The following USP6NL variants were observed in gnomAD, a reference collection of about 807,000 sequenced individuals.
USP6NL encodes USP6 N-terminal-like protein.
In USP6NL, 26 loss-of-function variants were observed where a neutral mutation model predicts 61.9. That is an observed-to-expected ratio of 0.42 (90% CI 0.31 to 0.58). The LOEUF (loss-of-function observed/expected upper bound fraction) is 0.58. Ranked by LOEUF, USP6NL falls within the 20% of genes least tolerant of loss-of-function variation. The pLI, the probability that USP6NL is intolerant of heterozygous loss-of-function variation, is 0.16. For missense variants in USP6NL, 1,114 were observed against 1,034.3 expected, an observed-to-expected ratio of 1.08 and a Z score of -1.06; for synonymous variants, 432 against 390.1, an observed-to-expected ratio of 1.11 and a Z score of -1.27.
In USP6NL at chr10:11,463,888, A is replaced by G; in HGVS notation, c.1079-39T>C. 6.9e-7 allele frequency: 1 copy of G among 1,449,906 alleles called. No homozygotes were observed. Among genetic ancestry groups the G allele is most frequent in the Middle Eastern group, 1.8e-4 (1 of 5,518 alleles). The allele number at this position is 1,449,906 out of a possible 1,614,324, so 89.8% of individuals were successfully genotyped here. On this transcript the variant is annotated intron_variant, in intron 14 of 14. Coordinates refer to ENST00000609104, the MANE Select transcript of USP6NL (RefSeq NM_014688.5). This position sits in a 1 kb window ranked among gnomAD's most constrained non-coding sequence, Gnocchi z 6.3. Reference sequence around the variant, plus strand: ...GAAAGGCTAAGTAAGATAATACACGAGTAAACAGTAGCCAGTTGAAGCAAT... The same window carrying G: ...GAAAGGCTAAGTAAGATAATACACGGGTAAACAGTAGCCAGTTGAAGCAAT...
Position 11,510,227 on chromosome 10 carries a change from AG to A in USP6NL, c.196-553del, listed in dbSNP as rs1225379518. 5.3e-5 allele frequency among the ~76,000 whole-genome samples: 8 copies of A among 152,262 alleles called. No homozygotes were observed. Among genetic ancestry groups the A allele is most frequent in the Admixed American group, 5.2e-4 (8 of 15,282 alleles). ...GACCAGGTGCTAAGGACAATGGACA[AG>A]GAACACACTGCGTTGTGGCAGGCAC... On this transcript the variant is annotated intron_variant, in intron 5 of 14. Transcript: ENST00000609104. The surrounding 1 kb of genome is among the most constrained non-coding windows in gnomAD (Gnocchi z 4.8).
At chr10:11,494,727 CAGAG>C (rs545481746) in intron 7 of USP6NL, among the ~76,000 whole-genome samples, 5 of 146,430 alleles carry the variant, frequency 3.4e-5, no homozygotes, top group African/African-American at 5.0e-5. Flanking sequence ...GCAGCTGAGG[CAGAG>C]AGAGAGAGGG....
At chr10:11,566,082 G>C (rs995529825) in intron 2 of USP6NL, among the ~76,000 whole-genome samples, 2 of 152,134 alleles carry the variant, frequency 1.3e-5, no homozygotes, top group Admixed American at 6.5e-5. Context: ...TAAAACACAG[G>C]GCTAGAGCTG....
intron 2 of USP6NL, among the ~76,000 whole-genome samples, chr10:11,570,741 T>C (rs1305848233): frequency 2.6e-5 from 4 of 152,232 alleles, no homozygotes; most frequent in African/African-American, 9.6e-5. Flanking sequence ...GAAGAGATGG[T>C]GTGGCTTTAC....
At chr10:11,564,902 A>G (rs2133547426) in intron 2 of USP6NL, 1 of 152,322 alleles carries the variant, frequency 6.6e-6, no homozygotes. Context: ...TGCACAACAT[A>G]TATTTGGGAC....
chr10:11,471,935 C>G (rs1737908628), intron 14 of USP6NL, among the ~76,000 whole-genome samples: 1 of 150,674 alleles, frequency 6.6e-6, no homozygotes. Context: ...TGTAACAAAC[C>G]TGCACATTGT....
intron 6 of USP6NL, 70 bp from the exon 7 acceptor site, chr10:11,501,278 T>C: frequency 4.2e-6 from 5 of 1,192,066 alleles, no homozygotes; most frequent in Non-Finnish European, 5.9e-6. Flanking sequence ...ACAGTTAATC[T>C]TGCTAATATT....
At chr10:11,567,302 A>T (rs1826799861) in intron 2 of USP6NL, among the ~76,000 whole-genome samples, 1 of 152,238 alleles carries the variant, frequency 6.6e-6, no homozygotes, top group African/African-American at 2.4e-5. Flanking sequence ...CTGACTGCAA[A>T]ATTTACCAAC....
intron 6 of USP6NL, among the ~76,000 whole-genome samples, chr10:11,508,750 A>G (rs976372989): frequency 4.6e-5 from 7 of 152,374 alleles, no homozygotes; most frequent in African/African-American, 1.7e-4. Context: ...TGACTGTGTC[A>G]AGAAAAAGTG....
chr10:11,536,724 C>T (rs1357564572), intron 2 of USP6NL, among the ~76,000 whole-genome samples: 2 of 152,144 alleles, frequency 1.3e-5, no homozygotes, highest in Admixed American at 6.6e-5. Context: ...TACTTCCCCG[C>T]GGTCCAACCC....
intron 2 of USP6NL, among the ~76,000 whole-genome samples, chr10:11,572,313 T>C (rs913485021): frequency 1.3e-5 from 2 of 152,068 alleles, no homozygotes; most frequent in Non-Finnish European, 2.9e-5. Flanking sequence ...GAGATGGGAA[T>C]GTAGTTTTCT....
In USP6NL at chr10:11,579,328, A is replaced by G. The variant is rs542591538; in HGVS notation, c.4+18303T>C. Among the ~76,000 whole-genome samples the G allele has an allele frequency of 5.9e-5, 9 of 152,318 alleles. No individual in the cohort carries two copies. In the South Asian group the frequency reaches 1.9e-3, roughly 32 times the overall value. ...TTGATAATCACTTCCCTGTCTAAAA[A>G]CATTAATGGCTTTCCATTTGCACAC... On this transcript the variant is annotated intron_variant, in intron 2 of 14. Transcript: ENST00000609104.
chr10:11,488,592 G>GA (rs1206404671), intron 10 of USP6NL, among the ~76,000 whole-genome samples: 2 of 152,072 alleles, frequency 1.3e-5, no homozygotes, highest in Non-Finnish European at 2.9e-5. Context: ...AATTTTATGT[G>GA]AAAAAACAAA....
At position 11,525,159 on chromosome 10, in the gene USP6NL, C is replaced by T. The variant is rs1234580008; in HGVS notation, c.155+227G>A. ...TTATTAATATAACTCACCTACTGCACTTAATGTTCTTACTAAATTGCAAAA... is the reference window on the plus strand; with the variant it reads ...TTATTAATATAACTCACCTACTGCATTTAATGTTCTTACTAAATTGCAAAA... On this transcript the variant is annotated intron_variant, in intron 4 of 14. Coordinates refer to ENST00000609104, the MANE Select transcript of USP6NL (RefSeq NM_014688.5). The surrounding 1 kb of genome is among the most constrained non-coding windows in gnomAD (Gnocchi z 5.0). 6.6e-6 allele frequency among the ~76,000 whole-genome samples: 1 copy of T among 152,088 alleles called. No homozygotes were observed. The highest frequency in any genetic ancestry group is 2.4e-5 in the African/African-American group (1 of 41,422).
chr10:11,508,804 C>T (rs892804169), intron 6 of USP6NL, among the ~76,000 whole-genome samples: 13 of 152,208 alleles, frequency 8.5e-5, no homozygotes, highest in Non-Finnish European at 1.5e-4. Context: ...TCACAAACCA[C>T]TGTTATTACT....
At chr10:11,603,436 G>C (rs1431379262) in intron 1 of USP6NL, among the ~76,000 whole-genome samples, 1 of 152,164 alleles carries the variant, frequency 6.6e-6, no homozygotes, top group East Asian at 1.9e-4. Flanking sequence ...CATAATGCCT[G>C]TGCTCCATAG....
At chr10:11,580,867 T>TGATGGATGGATGGATG (rs112761648) in intron 2 of USP6NL, among the ~76,000 whole-genome samples, 1,697 of 149,846 alleles carry the variant, frequency 0.011, 17 homozygotes, top group South Asian at 0.034. Context: ...AACGGATAGA[T>TGATGGATGGATGGATG]GATGGATGGA....
rs1015059311 is a variant in USP6NL at position 11,481,358 on chromosome 10, A to C, written c.1078+412T>G. Among the ~76,000 whole-genome samples, 2 of 152,206 alleles carry C rather than the reference A, an allele frequency of 1.3e-5. No homozygotes were observed. The highest frequency in any genetic ancestry group is 4.8e-5 in the African/African-American group (2 of 41,448). On this transcript the variant is annotated intron_variant, in intron 14 of 14. Coordinates refer to ENST00000609104, the MANE Select transcript of USP6NL (RefSeq NM_014688.5). The surrounding 1 kb of genome is among the most constrained non-coding windows in gnomAD (Gnocchi z 4.4). ...TAAGCCACTTAGGCACTAAAGTATC[A>C]ATTTCCTCATCTATAAGATGGGGCT...
chr10:11,526,800 G>C (rs561002585), intron 3 of USP6NL, among the ~76,000 whole-genome samples: 1 of 152,104 alleles, frequency 6.6e-6, no homozygotes, highest in African/African-American at 2.4e-5. Flanking sequence ...GTATAAAGAG[G>C]TATGTCAATT....
Sources: gnomAD v4.1 joint callset for allele counts (sites outside exome capture counted in the v4.1 genomes callset) on GRCh38, gnomAD v4.1.1 for gene constraint, Gnocchi (gnomAD v3.1) non-coding constraint, MANE v1.5 for transcripts, NCBI Gene and HGNC (gene_info 2026-07-23, HGNC 2026-07-21) for gene names.